STK10: variants seen among roughly 807,000 people sequenced by gnomAD.
The protein encoded by STK10 is serine/threonine-protein kinase 10.
A neutral mutation model predicts 113.8 loss-of-function variants in STK10; 78 were observed. That is an observed-to-expected ratio of 0.69 (90% CI 0.57 to 0.83). The LOEUF is 0.83. Ranked by LOEUF, STK10 falls within the 40% of genes least tolerant of loss-of-function variation. STK10 has a pLI of 0.00. For synonymous variants in STK10, 465 were observed against 494.7 expected (o/e 0.94, Z 0.80); for missense variants, 1,109 against 1,280.1 (o/e 0.87, Z 2.04).
At position 172,172,041 on chromosome 5, in the gene STK10, T is replaced by A. The variant is rs79156253; in HGVS notation, c.157-15253A>T. 0.014 allele frequency among the ~76,000 whole-genome samples: 2,127 copies of A among 151,974 alleles called. 104 individuals are homozygous for A. The South Asian group carries it at 0.14, about 10-fold the overall frequency. On this transcript the variant is annotated intron_variant, in intron 1 of 18. Transcript: ENST00000176763. The stretch of plus-strand genomic sequence containing the variant: ...ACCCTGTCTCTACAAAAATACAAAA[T>A]TAGCCAGGCATGGTGGCACGCACCT...
chr5:172,142,288 TG>T (rs1458274858), intron 2 of STK10, among the ~76,000 whole-genome samples: 1 of 152,230 alleles, frequency 6.6e-6, no homozygotes, highest in Non-Finnish European at 1.5e-5. Flanking sequence ...TGCTTAGGAC[TG>T]ACAGAGCTAG....
At chr5:172,156,867 C>T in intron 1 of STK10, 79 bp from the exon 2 acceptor site, 1 of 1,510,740 alleles carries the variant, frequency 6.6e-7, no homozygotes, top group Non-Finnish European at 8.9e-7. Context: ...CGCAGTCCTG[C>T]ATGAGTGTGA....
chr5:172,152,885 T>C (rs1001193930), intron 2 of STK10, among the ~76,000 whole-genome samples: 1 of 152,244 alleles, frequency 6.6e-6, no homozygotes, highest in Non-Finnish European at 1.5e-5. Flanking sequence ...ATGGATCACA[T>C]GTCAAAATGA....
In STK10 at chr5:172,082,709, T is replaced by C. The variant is rs955884969; in HGVS notation, c.1810-204A>G. Reference sequence around the variant, plus strand: ...CATCTGCAAAAGGGAGACCAGACCATGTGTTGTTGCACGGTGCTCAATACA... The same window carrying C: ...CATCTGCAAAAGGGAGACCAGACCACGTGTTGTTGCACGGTGCTCAATACA... On this transcript the variant is annotated intron_variant, in intron 11 of 18. Coordinates refer to ENST00000176763, the MANE Select transcript of STK10 (RefSeq NM_005990.4). The surrounding 1 kb of genome is among the most constrained non-coding windows in gnomAD (Gnocchi z 4.3). 3.9e-5 allele frequency among the ~76,000 whole-genome samples: 6 copies of C among 152,168 alleles called. No homozygotes were observed. Among genetic ancestry groups the C allele is most frequent in the Non-Finnish European group, 7.4e-5 (5 of 68,018 alleles).
intron 1 of STK10, among the ~76,000 whole-genome samples, chr5:172,164,934 C>A (rs1479849115): frequency 6.6e-6 from 1 of 152,252 alleles, no homozygotes; most frequent in Non-Finnish European, 1.5e-5. Context: ...TCAGCCCACA[C>A]CCTTGCGAGC....
In STK10 at chr5:172,071,212, C is replaced by CAAAAA. The variant is rs369407918; in HGVS notation, c.1990-6405_1990-6401dup. Among the ~76,000 whole-genome samples the CAAAAA allele has an allele frequency of 1.7e-3, 44 of 26,596 alleles. 5 individuals are homozygous for CAAAAA. Among genetic ancestry groups the CAAAAA allele is most frequent in the Non-Finnish European group, 2.8e-3 (36 of 12,810 alleles). 17.4% of individuals were successfully genotyped at this position (26,596 alleles called of 152,430 possible). On this transcript the variant is annotated intron_variant, in intron 12 of 18. Transcript: ENST00000176763. Reference sequence around the variant, plus strand: ...CGACAGAGTGAGACGCTCTCTATCTCAAAAAAAAAAAAAAAAAAAAAAAAA... The same window carrying CAAAAA: ...CGACAGAGTGAGACGCTCTCTATCTCAAAAAAAAAAAAAAAAAAAAAAAAAAAAAA...
In STK10 at chr5:172,107,749, C is replaced by T. The variant is rs754869045; in HGVS notation, c.593+31G>A. 9 of 1,610,388 alleles carry T rather than the reference C, an allele frequency of 5.6e-6. No homozygotes were observed. In the Admixed American group the frequency reaches 1.5e-4, roughly 27 times the overall value. On this transcript the variant is annotated intron_variant, in intron 5 of 18. Coordinates refer to ENST00000176763, the MANE Select transcript of STK10 (RefSeq NM_005990.4). ...ACCTTGGAGAGTTTTTACATCCAGT[C>T]CATTCCATTTCCAGAAGCTACACGA...
chr5:172,174,617 C>A (rs530092599), intron 1 of STK10, among the ~76,000 whole-genome samples: 2 of 152,266 alleles, frequency 1.3e-5, no homozygotes, highest in Non-Finnish European at 2.9e-5. Flanking sequence ...ACAAGAGAAT[C>A]CCAGTTTGTA....
chr5:172,057,661 C>G (rs574580562), intron 14 of STK10, among the ~76,000 whole-genome samples, 188 bp from the exon 15 acceptor site: 94 of 152,322 alleles, frequency 6.2e-4, no homozygotes, highest in African/African-American at 2.0e-3. Context: ...TAGAAACTTC[C>G]TTTAAGCCTA....
intron 15 of STK10, 61 bp downstream of exon 15, chr5:172,057,288 T>A: frequency 3.2e-6 from 5 of 1,549,616 alleles, no homozygotes; most frequent in Non-Finnish European, 4.3e-6. Context: ...ACATACAGCC[T>A]CATGGCTCTC....
chr5:172,182,794 C>T (rs1770883662), intron 1 of STK10, among the ~76,000 whole-genome samples: 1 of 151,990 alleles, frequency 6.6e-6, no homozygotes, highest in Non-Finnish European at 1.5e-5. Flanking sequence ...CCTCATGATC[C>T]ACCCAATTCA....
chr5:172,055,872 A>G, intron 15 of STK10, 96 bp from the exon 16 acceptor site: 1 of 1,077,790 alleles, frequency 9.3e-7, no homozygotes, highest in South Asian at 3.2e-5. Context: ...TCAGGGGCCC[A>G]GGACCAACGC....
At chr5:172,065,775 G>A (rs1768056372) in intron 12 of STK10, among the ~76,000 whole-genome samples, 1 of 152,178 alleles carries the variant, frequency 6.6e-6, no homozygotes, top group South Asian at 2.1e-4. Flanking sequence ...AAACTGGAGG[G>A]ATGAAGGCCA....
intron 1 of STK10, among the ~76,000 whole-genome samples, chr5:172,167,169 A>G (rs1329189850): frequency 6.6e-6 from 1 of 151,958 alleles, no homozygotes; most frequent in Non-Finnish European, 1.5e-5. Context: ...AAAAAAAAAA[A>G]AAGAAAAAAA....
At chr5:172,137,037 C>T (rs1400806303) in intron 2 of STK10, among the ~76,000 whole-genome samples, 6 of 151,036 alleles carry the variant, frequency 4.0e-5, no homozygotes, top group African/African-American at 1.5e-4. Flanking sequence ...CACGTGTTCT[C>T]ACTGTGCATA....
intron 2 of STK10, among the ~76,000 whole-genome samples, chr5:172,134,999 T>C (rs1477555424): frequency 6.6e-6 from 1 of 150,768 alleles, no homozygotes; most frequent in Non-Finnish European, 1.5e-5. Flanking sequence ...AAAGGACTAG[T>C]ATCCAGAATA....
Position 172,055,781 on chromosome 5 carries a change from A to G in STK10, c.2338-5T>C. ...GCGCTGCATCTGCTCCCGCTCCTGGAGAGGAATATCCAGAGGGGCTGAGGG... is the reference window on the plus strand; with the variant it reads ...GCGCTGCATCTGCTCCCGCTCCTGGGGAGGAATATCCAGAGGGGCTGAGGG... On this transcript the variant is annotated splice_region_variant and splice_polypyrimidine_tract_variant and intron_variant, in intron 15 of 18. Coordinates refer to ENST00000176763, the MANE Select transcript of STK10 (RefSeq NM_005990.4). The G allele has an allele frequency of 6.8e-7, 1 of 1,480,692 alleles. No individual in the cohort carries two copies. Among genetic ancestry groups the G allele is most frequent in the Non-Finnish European group, 9.0e-7 (1 of 1,105,554 alleles). The allele number at this position is 1,480,692 out of a possible 1,614,324, so 91.7% of individuals were successfully genotyped here.
At chr5:172,104,707 G>A (rs1455183391) in intron 7 of STK10, among the ~76,000 whole-genome samples, 1 of 152,192 alleles carries the variant, frequency 6.6e-6, no homozygotes, top group Admixed American at 6.5e-5. Context: ...TCCTCAGCTG[G>A]TCTCTGCAAA....
intron 4 of STK10, among the ~76,000 whole-genome samples, chr5:172,115,461 A>AG (rs964494496): frequency 6.6e-6 from 1 of 152,196 alleles, no homozygotes; most frequent in African/African-American, 2.4e-5. Flanking sequence ...GGCAGCGTTA[A>AG]GGGCCAGGGA....
Sources: gnomAD v4.1 joint callset for allele counts (sites outside exome capture counted in the v4.1 genomes callset) on GRCh38, gnomAD v4.1.1 for gene constraint, Gnocchi (gnomAD v3.1) non-coding constraint, MANE v1.5 for transcripts, NCBI Gene and HGNC (gene_info 2026-07-23, HGNC 2026-07-21) for gene names.